The following LINGO2 variants were observed in gnomAD, a reference collection of about 807,000 sequenced individuals.
LINGO2 encodes the protein leucine-rich repeat and immunoglobulin-like domain-containing nogo receptor-interacting protein 2.
In LINGO2, 14 loss-of-function variants were observed where a neutral mutation model predicts 30.6. The ratio of observed to expected loss-of-function variants is 0.46; its 90% confidence interval spans 0.30 to 0.72. The LOEUF (loss-of-function observed/expected upper bound fraction) is 0.72, where lower values mean the gene tolerates loss of function less well. Ranked by LOEUF, LINGO2 falls within the 30% of genes least tolerant of loss-of-function variation. The pLI is 0.07. For missense variants in LINGO2, 729 were observed against 751.7 expected, an observed-to-expected ratio of 0.97 and a Z score of 0.35; for synonymous variants, 317 against 288.5, an observed-to-expected ratio of 1.10 and a Z score of -1.00.
chr9:28,316,841 T>G (rs534380778), intron 3 of LINGO2, among the ~76,000 whole-genome samples: 1 of 152,214 alleles, frequency 6.6e-6, no homozygotes, highest in East Asian at 1.9e-4. Flanking sequence ...TTAGTAAAAA[T>G]TAGGATGAGG....
intron 4 of LINGO2, among the ~76,000 whole-genome samples, chr9:28,035,611 T>C (rs1823892869): frequency 6.6e-6 from 1 of 152,206 alleles, no homozygotes; most frequent in Non-Finnish European, 1.5e-5. Flanking sequence ...AGTTTTATCT[T>C]CAGTGAAAAC....
At chr9:29,060,434 A>G in the LINGO2 span, among the ~76,000 whole-genome samples, 1 of 152,044 alleles carries the variant, frequency 6.6e-6, no homozygotes, top group African/African-American at 2.4e-5. Context: ...CTGTGAAAAC[A>G]AACACACTAA....
At position 28,050,459 on chromosome 9, in the gene LINGO2, A is replaced by C. The variant is rs112087200; in HGVS notation, c.-86-38054T>G. Among the ~76,000 whole-genome samples the C allele has an allele frequency of 1.1e-3, 169 of 151,026 alleles. 10 individuals carry two copies. The highest frequency in any genetic ancestry group is 3.8e-3 in the African/African-American group (156 of 40,936). ...ACAATCTAAAAACTCTTCAAAAGCT[A>C]TTAATGTCATTCAAGAAAAACCACT... On this transcript the variant is annotated intron_variant, in intron 4 of 5. Coordinates refer to ENST00000379992, the Ensembl canonical transcript of LINGO2.
intron 2 of LINGO2, among the ~76,000 whole-genome samples, chr9:28,438,998 A>G (rs1404068985): frequency 6.8e-6 from 1 of 147,382 alleles, no homozygotes; most frequent in Non-Finnish European, 1.5e-5. Context: ...TAATATCTAT[A>G]CATTATATAT....
the LINGO2 span, among the ~76,000 whole-genome samples, chr9:29,100,162 T>C: frequency 7.9e-5 from 12 of 152,120 alleles, no homozygotes; most frequent in Admixed American, 1.3e-4. Flanking sequence ...CACTTATCTG[T>C]GGGAGGTAAA....
At chr9:29,140,310 G>C in the LINGO2 span, among the ~76,000 whole-genome samples, 1 of 151,822 alleles carries the variant, frequency 6.6e-6, no homozygotes, top group African/African-American at 2.4e-5. Flanking sequence ...TCATGAAAAT[G>C]ATATAAGAAC....
At chr9:28,575,193 C>A (rs1272062261) in intron 1 of LINGO2, among the ~76,000 whole-genome samples, 1 of 151,992 alleles carries the variant, frequency 6.6e-6, no homozygotes, top group South Asian at 2.1e-4. Context: ...CATGAGGTCA[C>A]GAGTTCAAGA....
At chr9:28,848,517 C>T in the LINGO2 span, among the ~76,000 whole-genome samples, 215 of 147,134 alleles carry the variant, frequency 1.5e-3, no homozygotes, top group Non-Finnish European at 2.4e-3. Context: ...CCAAAATGGA[C>T]AATGTTATTT....
chr9:28,602,921 T>C (rs901473205), intron 1 of LINGO2, among the ~76,000 whole-genome samples: 2 of 152,058 alleles, frequency 1.3e-5, no homozygotes, highest in Non-Finnish European at 2.9e-5. Flanking sequence ...TATGATCTAG[T>C]TTTCTGCTTC....
At chr9:29,119,838 T>A in the LINGO2 span, among the ~76,000 whole-genome samples, 2 of 152,066 alleles carry the variant, frequency 1.3e-5, no homozygotes, top group African/African-American at 4.8e-5. Flanking sequence ...CCTCAGGTGA[T>A]CCCCCCACCT....
At chr9:28,000,173 T>C (rs1329618047) in intron 5 of LINGO2, among the ~76,000 whole-genome samples, 1 of 152,146 alleles carries the variant, frequency 6.6e-6, no homozygotes, top group Non-Finnish European at 1.5e-5. Flanking sequence ...GAGGGTATTG[T>C]ATTAAATTAT....
intron 5 of LINGO2, among the ~76,000 whole-genome samples, chr9:28,008,107 C>T (rs1260577880): frequency 2.0e-5 from 3 of 152,098 alleles, no homozygotes; most frequent in Non-Finnish European, 2.9e-5. Flanking sequence ...ATCAGAATCT[C>T]CTTCACTCTC....
chr9:28,437,268 G>A (rs946423377), intron 2 of LINGO2, among the ~76,000 whole-genome samples: 5 of 152,164 alleles, frequency 3.3e-5, no homozygotes, highest in African/African-American at 1.2e-4. Context: ...TTCTGCCTTT[G>A]TACTTCGTAA....
the LINGO2 span, among the ~76,000 whole-genome samples, chr9:29,044,314 A>C: frequency 6.6e-6 from 1 of 151,744 alleles, no homozygotes; most frequent in Non-Finnish European, 1.5e-5. Context: ...CAGAAAAATG[A>C]CTCCTCCTTT....
chr9:29,178,076 G>C, the LINGO2 span, among the ~76,000 whole-genome samples: 2 of 149,256 alleles, frequency 1.3e-5, no homozygotes, highest in African/African-American at 5.0e-5. Flanking sequence ...TATTTTTGAG[G>C]TGGAGTTTCA....
the LINGO2 span, among the ~76,000 whole-genome samples, chr9:28,723,328 T>A: frequency 6.6e-6 from 1 of 152,146 alleles, no homozygotes; most frequent in Non-Finnish European, 1.5e-5. Context: ...TTCTATATAT[T>A]AAGCTCCACC....
At chr9:27,990,471 C>CT (rs1821345235) in intron 5 of LINGO2, among the ~76,000 whole-genome samples, 1 of 77,800 alleles carries the variant, frequency 1.3e-5, no homozygotes, top group East Asian at 3.6e-4. Flanking sequence ...TACCCCCCCC[C>CT]CTTTTATTTT....
chr9:29,141,738 G>A, the LINGO2 span, among the ~76,000 whole-genome samples: 165 of 151,786 alleles, frequency 1.1e-3, no homozygotes, highest in African/African-American at 3.8e-3. Flanking sequence ...AACAAAAATA[G>A]AACAGGCGTG....
intron 1 of LINGO2, among the ~76,000 whole-genome samples, chr9:28,636,274 CA>C (rs1410705553): frequency 6.6e-6 from 1 of 152,154 alleles, no homozygotes; most frequent in East Asian, 1.9e-4. Flanking sequence ...AATAGTGCCA[CA>C]ATAAACATAC....
Sources: allele counts gnomAD v4.1 joint callset (sites outside exome capture counted in the v4.1 genomes callset), GRCh38; gene constraint gnomAD v4.1.1; transcripts MANE v1.5; gene names NCBI Gene and HGNC (gene_info 2026-07-23, HGNC 2026-07-21).